The following CPNE8 variants were observed in gnomAD, a reference collection of about 807,000 sequenced individuals.
CPNE8 encodes the protein copine-8.
CPNE8 carries 45 observed loss-of-function variants against 81.5 expected under a neutral mutation model. The observed-to-expected ratio is 0.55, with a 90% confidence interval of 0.44 to 0.71. The LOEUF is 0.71. Ranked by LOEUF, CPNE8 falls within the 30% of genes least tolerant of loss-of-function variation. The pLI is 0.00. For synonymous variants in CPNE8, 252 were observed against 226.3 expected (o/e 1.11, Z -1.02); for missense variants, 594 against 672.1 (o/e 0.88, Z 1.28).
intron 15 of CPNE8, among the ~76,000 whole-genome samples, chr12:38,688,462 A>C (rs531749076): frequency 6.6e-6 from 1 of 152,324 alleles, no homozygotes; most frequent in African/African-American, 2.4e-5. Flanking sequence ...CTTCTTAATA[A>C]GAAAGTTGTA....
At chr12:38,842,121 A>G (rs1022004513) in intron 4 of CPNE8, among the ~76,000 whole-genome samples, 18 of 152,154 alleles carry the variant, frequency 1.2e-4, no homozygotes, top group South Asian at 6.2e-4. Flanking sequence ...AGCACTTTCA[A>G]CAGCTATAGC....
intron 6 of CPNE8, among the ~76,000 whole-genome samples, chr12:38,797,384 G>A (rs939116896): frequency 2.0e-5 from 3 of 152,152 alleles, no homozygotes; most frequent in African/African-American, 4.8e-5. Context: ...CAGCATTCGT[G>A]TTTCACGAAA....
Position 38,768,229 on chromosome 12 carries a change from A to G in CPNE8, c.472-491T>C, listed in dbSNP as rs115387173. On this transcript the variant is annotated intron_variant, in intron 7 of 19. Transcript: ENST00000331366. ...CACATAGTTTATAATCTGGAGACAGAAAAGTTCCTACTTTCTTAATCATAT... is the reference window on the plus strand; with the variant it reads ...CACATAGTTTATAATCTGGAGACAGGAAAGTTCCTACTTTCTTAATCATAT... Among the ~76,000 whole-genome samples the G allele has an allele frequency of 5.0e-3, 761 of 152,126 alleles. 5 individuals carry two copies. Among genetic ancestry groups the G allele is most frequent in the African/African-American group, 0.017 (704 of 41,514 alleles).
chr12:38,676,138 G>T, intron 17 of CPNE8: 130 of 404,732 alleles, frequency 3.2e-4, no homozygotes, highest in Non-Finnish European at 4.0e-4. Context: ...AATTAAAAAA[G>T]AAAAAATAAT....
chr12:38,760,127 A>G (rs935859962), intron 10 of CPNE8, among the ~76,000 whole-genome samples: 2 of 152,120 alleles, frequency 1.3e-5, no homozygotes, highest in Non-Finnish European at 2.9e-5. Flanking sequence ...CCCATTTATC[A>G]TTCTCCTTTG....
intron 16 of CPNE8, among the ~76,000 whole-genome samples, chr12:38,682,283 C>A (rs1225506608): frequency 6.6e-6 from 1 of 152,082 alleles, no homozygotes; most frequent in Non-Finnish European, 1.5e-5. Context: ...CTCAGCCAGG[C>A]GTGGTGGCTT....
intron 3 of CPNE8, among the ~76,000 whole-genome samples, chr12:38,864,995 C>G (rs1943894894): frequency 6.6e-6 from 1 of 152,128 alleles, no homozygotes; most frequent in Non-Finnish European, 1.5e-5. Context: ...GAAGATATAA[C>G]TCCTAAAAAT....
At chr12:38,795,252 T>C (rs1462284183) in intron 6 of CPNE8, among the ~76,000 whole-genome samples, 2 of 152,210 alleles carry the variant, frequency 1.3e-5, no homozygotes, top group Non-Finnish European at 2.9e-5. Context: ...ATAAACTTCC[T>C]TTCATGTATA....
chr12:38,697,268 CAT>C (rs1198331606), intron 14 of CPNE8, among the ~76,000 whole-genome samples: 2 of 152,162 alleles, frequency 1.3e-5, no homozygotes, highest in Admixed American at 6.6e-5. Flanking sequence ...AATCACATAA[CAT>C]GTGATCTTTT....
At chr12:38,805,896 C>A (rs1025456223) in intron 6 of CPNE8, among the ~76,000 whole-genome samples, 27 of 149,294 alleles carry the variant, frequency 1.8e-4, no homozygotes, top group African/African-American at 5.8e-4. Context: ...ATCAAATAGA[C>A]ACAATAAAAA....
At chr12:38,750,815 T>C (rs941181524) in intron 10 of CPNE8, among the ~76,000 whole-genome samples, 1 of 152,116 alleles carries the variant, frequency 6.6e-6, no homozygotes, top group African/African-American at 2.4e-5. Context: ...GAGTGAAGAC[T>C]TTGGGGGACT....
At chr12:38,696,824 C>T (rs1011601971) in intron 14 of CPNE8, among the ~76,000 whole-genome samples, 6 of 152,096 alleles carry the variant, frequency 3.9e-5, no homozygotes, top group Admixed American at 6.6e-5. Context: ...GTGGGTGGAT[C>T]GCTTTGAGCT....
chr12:38,791,257 C>A (rs764099549), intron 6 of CPNE8, among the ~76,000 whole-genome samples: 4 of 151,560 alleles, frequency 2.6e-5, no homozygotes, highest in Non-Finnish European at 3.0e-5. Context: ...AGAATATTTA[C>A]CCTACCACCT....
chr12:38,847,612 T>G (rs930043494), intron 4 of CPNE8, among the ~76,000 whole-genome samples: 1 of 152,180 alleles, frequency 6.6e-6, no homozygotes, highest in African/African-American at 2.4e-5. Flanking sequence ...TCAACATTCC[T>G]GAAGAAAGAA....
chr12:38,880,034 C>T (rs1460468352), intron 1 of CPNE8, among the ~76,000 whole-genome samples: 2 of 152,046 alleles, frequency 1.3e-5, no homozygotes, highest in African/African-American at 2.4e-5. Flanking sequence ...TAGAGCCCAA[C>T]AAAAAATATT....
chr12:38,854,365 A>G (rs1326978675), intron 3 of CPNE8, among the ~76,000 whole-genome samples: 1 of 118,086 alleles, frequency 8.5e-6, no homozygotes, highest in Non-Finnish European at 1.7e-5. Context: ...TCACAATCCA[A>G]TAATACGAAA....
intron 8 of CPNE8, among the ~76,000 whole-genome samples, chr12:38,762,966 C>G (rs1462791706): frequency 6.6e-6 from 1 of 152,216 alleles, no homozygotes; most frequent in Non-Finnish European, 1.5e-5. Flanking sequence ...TCATGCAATC[C>G]TCCTGCCTCA....
intron 7 of CPNE8, among the ~76,000 whole-genome samples, chr12:38,768,686 A>AT (rs1459607950): frequency 1.4e-5 from 2 of 148,040 alleles, no homozygotes; most frequent in South Asian, 2.2e-4. Flanking sequence ...CGCCCGGCTA[A>AT]TTTTTTTGTA....
chr12:38,812,810 C>T (rs879291902), intron 6 of CPNE8, among the ~76,000 whole-genome samples: 1 of 152,178 alleles, frequency 6.6e-6, no homozygotes, highest in Non-Finnish European at 1.5e-5. Context: ...TGCCTTTCTG[C>T]CTTCTTCAAT....
Sources: allele counts gnomAD v4.1 joint callset (sites outside exome capture counted in the v4.1 genomes callset), GRCh38; gene constraint gnomAD v4.1.1; transcripts MANE v1.5; gene names NCBI Gene and HGNC (gene_info 2026-07-23, HGNC 2026-07-21).